Variants in RBBP8 observed in about 807,000 individuals in gnomAD.
The protein encoded by RBBP8 is DNA endonuclease RBBP8.
Under a neutral mutation model 108.3 loss-of-function variants are expected in RBBP8, and 88 were observed. That is an observed-to-expected ratio of 0.81 (90% CI 0.68 to 0.97). The LOEUF is 0.97. Ranked by LOEUF, RBBP8 falls within the 50% of genes least tolerant of loss-of-function variation. RBBP8 has a pLI of 0.00. For missense variants in RBBP8, 1,023 were observed against 1,049.0 expected (o/e 0.98, Z 0.34); for synonymous variants, 332 against 348.2 (o/e 0.95, Z 0.52).
chr18:22,914,488 T>G (rs532434758), intron 1 of RBBP8, among the ~76,000 whole-genome samples: 1 of 152,348 alleles, frequency 6.6e-6, no homozygotes, highest in Admixed American at 6.5e-5. Context: ...ATAAAGGTTA[T>G]TTGGTATATA....
chr18:23,009,960 C>T (rs1045475827), intron 16 of RBBP8, among the ~76,000 whole-genome samples: 4 of 152,196 alleles, frequency 2.6e-5, no homozygotes, highest in Non-Finnish European at 4.4e-5. Context: ...TGGGGTTTCA[C>T]CATGTTGGCC....
intron 3 of RBBP8, among the ~76,000 whole-genome samples, chr18:22,947,930 C>T (rs1204084988): frequency 6.6e-6 from 1 of 152,018 alleles, no homozygotes; most frequent in Non-Finnish European, 1.5e-5. Flanking sequence ...TACTGTCATG[C>T]TCTGCGTTAT....
rs1016838520 is a variant in RBBP8, at chr18:22,978,936, G to C, written c.429-3282G>C. Among the ~76,000 whole-genome samples, 5 of 152,040 alleles carry C rather than the reference G, an allele frequency of 3.3e-5. No individual in the cohort carries two copies. The South Asian group carries it at 6.2e-4, about 19-fold the overall frequency. On this transcript the variant is annotated intron_variant, in intron 6 of 18. Transcript: ENST00000327155. ...TAAACATGTATCAAAACATTTTGTTGAACCCAGTAAGTAGATACAATTATT... is the reference window on the plus strand; with the variant it reads ...TAAACATGTATCAAAACATTTTGTTCAACCCAGTAAGTAGATACAATTATT...
At chr18:22,939,834 G>A (rs1910909466) in intron 2 of RBBP8, among the ~76,000 whole-genome samples, 2 of 152,300 alleles carry the variant, frequency 1.3e-5, no homozygotes, top group South Asian at 4.1e-4. Context: ...GTGTGTGGTT[G>A]CATGGGGAAG....
intron 4 of RBBP8, among the ~76,000 whole-genome samples, chr18:22,964,386 T>TC (rs1913386088): frequency 6.6e-6 from 1 of 151,172 alleles, no homozygotes; most frequent in South Asian, 2.1e-4. Flanking sequence ...TTTTTTTTTT[T>TC]TTTCTTTTCA....
intron 4 of RBBP8, among the ~76,000 whole-genome samples, chr18:22,956,185 T>C (rs1912525260): frequency 6.6e-6 from 1 of 152,202 alleles, no homozygotes; most frequent in African/African-American, 2.4e-5. Context: ...ATTTCTGCTT[T>C]ATTTAAAATT....
chr18:22,982,397 AGAGTTG>A lies in RBBP8; in HGVS notation c.604+11_604+16del. On this transcript the variant is annotated splice_donor_5th_base_variant and intron_variant, in intron 7 of 18. Coordinates refer to ENST00000327155, the MANE Select transcript of RBBP8 (RefSeq NM_002894.3). ...GAGCACTCTGTGTGTGCAAATGGTA[AGAGTTG>A]GAGTTGTATTTTAGTTCTCTGGTTT... is the stretch of plus-strand genomic sequence containing the variant. The A allele has an allele frequency of 6.2e-7, 1 of 1,613,708 alleles. No homozygotes were observed. The highest frequency in any genetic ancestry group is 8.5e-7 in the Non-Finnish European group (1 of 1,179,908).
At chr18:22,927,903 A>T (rs956112221) in intron 3 of RBBP8, among the ~76,000 whole-genome samples, 3 of 135,882 alleles carry the variant, frequency 2.2e-5, no homozygotes, top group Non-Finnish European at 4.8e-5. Flanking sequence ...TCAAAAAATT[A>T]AAAAAAAAAA....
intron 4 of RBBP8, among the ~76,000 whole-genome samples, chr18:22,954,141 T>G (rs1167824150): frequency 6.6e-6 from 1 of 152,082 alleles, no homozygotes; most frequent in Non-Finnish European, 1.5e-5. Context: ...CCCTTCCAAA[T>G]CTCATGTCCT....
chr18:22,971,096 A>G (rs1914041350), intron 5 of RBBP8, among the ~76,000 whole-genome samples: 1 of 152,124 alleles, frequency 6.6e-6, no homozygotes, highest in Admixed American at 6.5e-5. Context: ...CATTCATACA[A>G]GAAGGAAGAA....
chr18:22,984,632 A>T (rs375205641), intron 7 of RBBP8, among the ~76,000 whole-genome samples: 1 of 152,320 alleles, frequency 6.6e-6, no homozygotes, highest in Non-Finnish European at 1.5e-5. Context: ...ACTCTAGGCA[A>T]TTTGGGTTAG....
intron 14 of RBBP8, among the ~76,000 whole-genome samples, chr18:23,000,163 G>T (rs1426212755): frequency 6.6e-6 from 1 of 152,198 alleles, no homozygotes. Flanking sequence ...CCAGGAGAAA[G>T]GTAAAGCAAG....
intron 1 of RBBP8, among the ~76,000 whole-genome samples, chr18:22,935,602 C>G (rs1598632092): frequency 6.6e-6 from 1 of 152,120 alleles, no homozygotes; most frequent in Non-Finnish European, 1.5e-5. Flanking sequence ...CTTTCAGCCC[C>G]TTTGTCAGAG....
At chr18:22,930,680 T>C (rs917230942), upstream of RBBP8, among the ~76,000 whole-genome samples, 1 of 152,212 alleles carries the variant, frequency 6.6e-6, no homozygotes, top group Admixed American at 6.5e-5. Flanking sequence ...CACCAGGGAA[T>C]GCCCATTTCA....
intron 4 of RBBP8, among the ~76,000 whole-genome samples, chr18:22,965,695 T>TGACTGCTCAGAATATAG (rs140518783): frequency 0.014 from 2,142 of 152,280 alleles, 45 homozygotes; most frequent in African/African-American, 0.049. Flanking sequence ...GGTAATCACT[T>TGACTGCTCAGAATATAG]GACTGCTCAG....
In RBBP8 at chr18:23,017,378, G is replaced by A. The variant is rs182139654; in HGVS notation, c.2454+454G>A. On this transcript the variant is annotated intron_variant, in intron 17 of 18. Transcript: ENST00000327155. Reference sequence around the variant, plus strand: ...CTCAAAAAAAAAAAAAAAATGCCAGGTGCAGTGGCTCACACCTGTAATCCC... The same window carrying A: ...CTCAAAAAAAAAAAAAAAATGCCAGATGCAGTGGCTCACACCTGTAATCCC... Among the ~76,000 whole-genome samples, 75 of 150,636 alleles carry A rather than the reference G, an allele frequency of 5.0e-4. 1 individual carries two copies. Among genetic ancestry groups the A allele is most frequent in the African/African-American group, 1.8e-3 (73 of 40,932 alleles).
chr18:22,922,264 C>A (rs1909622135), intron 3 of RBBP8, among the ~76,000 whole-genome samples: 1 of 152,022 alleles, frequency 6.6e-6, no homozygotes, highest in Admixed American at 6.6e-5. Context: ...AGCACATCAT[C>A]TTTTTGTTTA....
chr18:22,979,809 C>T (rs963737117), intron 6 of RBBP8, among the ~76,000 whole-genome samples: 7 of 152,202 alleles, frequency 4.6e-5, no homozygotes, highest in Non-Finnish European at 1.0e-4. Flanking sequence ...CTAGTGGAAT[C>T]TGGGAATGTC....
intron 5 of RBBP8, among the ~76,000 whole-genome samples, chr18:22,970,163 C>T (rs1324509826): frequency 3.3e-5 from 5 of 152,164 alleles, no homozygotes; most frequent in African/African-American, 9.6e-5. Context: ...ATGTAGTATT[C>T]GGTGTCTGGC....
Sources: gnomAD v4.1 joint callset for allele counts (sites outside exome capture counted in the v4.1 genomes callset) on GRCh38, gnomAD v4.1.1 for gene constraint, MANE v1.5 for transcripts, NCBI Gene and HGNC (gene_info 2026-07-23, HGNC 2026-07-21) for gene names.